SMURF2: variants seen among roughly 807,000 people sequenced by gnomAD.
SMURF2 encodes the protein E3 ubiquitin-protein ligase SMURF2.
SMURF2 carries 48 observed loss-of-function variants against 109.6 expected under a neutral mutation model. That is an observed-to-expected ratio of 0.44 (90% CI 0.35 to 0.56). SMURF2 has a LOEUF of 0.56. SMURF2 is among the 20% of genes least tolerant of loss of function. SMURF2 has a pLI of 0.01. For synonymous variants in SMURF2, 288 were observed against 317.1 expected (o/e 0.91, Z 0.97); for missense variants, 575 against 909.0 (o/e 0.63, Z 4.72).
chr17:64,612,004 T>C (rs1970050985), intron 1 of SMURF2, among the ~76,000 whole-genome samples: 1 of 152,178 alleles, frequency 6.6e-6, no homozygotes, highest in South Asian at 2.1e-4. Context: ...TGAAACATTC[T>C]TCCTAGGCTT....
intron 17 of SMURF2, 126 bp from the exon 18 acceptor site, chr17:64,546,464 A>G: frequency 1.4e-6 from 1 of 725,244 alleles, no homozygotes; most frequent in East Asian, 2.8e-5. Flanking sequence ...GAATCCACAC[A>G]TACTACCAAA....
At chr17:64,589,262 T>A (rs1969714861) in intron 5 of SMURF2, among the ~76,000 whole-genome samples, 1 of 152,176 alleles carries the variant, frequency 6.6e-6, no homozygotes, top group East Asian at 1.9e-4. Context: ...TTTATATAAA[T>A]GCAAATTCAT....
intron 1 of SMURF2, among the ~76,000 whole-genome samples, chr17:64,637,616 T>A (rs1277534290): frequency 6.6e-6 from 1 of 151,838 alleles, no homozygotes. Flanking sequence ...CAGGCTGGAG[T>A]GTAATAGTGC....
chr17:64,619,678 C>T (rs989423805), intron 1 of SMURF2, among the ~76,000 whole-genome samples: 2 of 151,988 alleles, frequency 1.3e-5, no homozygotes, highest in Admixed American at 1.3e-4. Flanking sequence ...TTTGCATACT[C>T]CCACCTTCTC....
chr17:64,569,021 G>A (rs1969358289), intron 10 of SMURF2, among the ~76,000 whole-genome samples: 1 of 151,538 alleles, frequency 6.6e-6, no homozygotes, highest in Non-Finnish European at 1.5e-5. Context: ...TCCAGAACTA[G>A]GCGTGGTGGC....
intron 5 of SMURF2, among the ~76,000 whole-genome samples, chr17:64,587,218 C>A (rs1969676589): frequency 1.3e-5 from 2 of 152,108 alleles, no homozygotes; most frequent in Non-Finnish European, 2.9e-5. Flanking sequence ...ACACTGTATT[C>A]TAGCAAGAGG....
intron 1 of SMURF2, among the ~76,000 whole-genome samples, chr17:64,629,597 A>G (rs1350269984): frequency 6.6e-6 from 1 of 152,204 alleles, no homozygotes; most frequent in East Asian, 1.9e-4. Context: ...CTAAATTGCA[A>G]GCAGTCATTT....
rs1285615450 is a variant in SMURF2, at chr17:64,662,004, A to C, written c.-124T>G. The C allele has an allele frequency of 1.8e-6, 2 of 1,107,632 alleles. No individual in the cohort carries two copies. Among genetic ancestry groups the C allele is most frequent in the Non-Finnish European group, 2.2e-6 (2 of 909,526 alleles). 68.6% of individuals were successfully genotyped at this position (1,107,632 alleles called of 1,614,324 possible). A position where few individuals can be genotyped will look rare whatever the true frequency, so the allele number is the denominator to read the frequency against. Reference sequence around the variant, plus strand: ...CCGGCGCCTCGGCCGCCACGGCCGGAGGGTCCCGGATGTGCCGAGAGTCGT... The same window carrying C: ...CCGGCGCCTCGGCCGCCACGGCCGGCGGGTCCCGGATGTGCCGAGAGTCGT... On this transcript the variant is annotated 5_prime_UTR_variant, in exon 1 of 19. Transcript: ENST00000262435.
intron 13 of SMURF2, 43 bp from the exon 14 acceptor site, chr17:64,556,041 G>A: frequency 1.4e-6 from 2 of 1,387,040 alleles, no homozygotes; most frequent in East Asian, 2.4e-5. Context: ...GCACTACCCA[G>A]GAAAATTTTA....
chr17:64,545,732 AAGGGGG>A lies in SMURF2; in HGVS notation c.*110_*115del. 7.4e-6 allele frequency: 1 copy of A among 135,362 alleles called. No individual in the cohort carries two copies. The highest frequency in any genetic ancestry group is 1.3e-5 in the Non-Finnish European group (1 of 76,074). The allele number at this position is 135,362 out of a possible 1,614,324, so 8.4% of individuals were successfully genotyped here. ...CCTAAAATGTAAAAAAAAAAAAAAA[AAGGGGG>A]GGGGGGGGAGTGTTTTCCTGTATTT... On this transcript the variant is annotated 3_prime_UTR_variant, in exon 19 of 19. Coordinates refer to ENST00000262435, the MANE Select transcript of SMURF2 (RefSeq NM_022739.4).
chr17:64,569,309 A>G (rs1179577317), intron 10 of SMURF2, among the ~76,000 whole-genome samples: 1 of 152,130 alleles, frequency 6.6e-6, no homozygotes, highest in Non-Finnish European at 1.5e-5. Flanking sequence ...CTAAAAAAAA[A>G]AAAATCCATA....
intron 15 of SMURF2, among the ~76,000 whole-genome samples, chr17:64,552,820 C>T (rs997061593): frequency 2.0e-5 from 3 of 152,234 alleles, no homozygotes; most frequent in South Asian, 4.1e-4. Flanking sequence ...TCTCCTGCCT[C>T]GGGCTCCAAA....
chr17:64,593,378 AATAC>A, intron 4 of SMURF2, 58 bp downstream of exon 4: 1 of 1,436,252 alleles, frequency 7.0e-7, no homozygotes, highest in Non-Finnish European at 9.3e-7. Flanking sequence ...TATATGCACA[AATAC>A]ATATACACAC....
chr17:64,634,780 T>C (rs1183041167), intron 1 of SMURF2, among the ~76,000 whole-genome samples: 3 of 152,184 alleles, frequency 2.0e-5, no homozygotes, highest in Non-Finnish European at 2.9e-5. Flanking sequence ...GAAGACACAG[T>C]CCTTGAATGA....
chr17:64,659,135 C>CAG (rs1023494080), intron 1 of SMURF2, among the ~76,000 whole-genome samples: 1 of 152,004 alleles, frequency 6.6e-6, no homozygotes, highest in African/African-American at 2.4e-5. Context: ...TCCTCTTCTT[C>CAG]AGAGAGAGTG....
chr17:64,636,155 T>C (rs999621368), intron 1 of SMURF2, among the ~76,000 whole-genome samples: 9 of 152,198 alleles, frequency 5.9e-5, no homozygotes, highest in African/African-American at 2.2e-4. Context: ...GCCCTTTTTT[T>C]TGAAATGTGG....
chr17:64,627,627 C>T (rs1310931027), intron 1 of SMURF2, among the ~76,000 whole-genome samples: 2 of 152,152 alleles, frequency 1.3e-5, no homozygotes, highest in Non-Finnish European at 2.9e-5. Flanking sequence ...CTGACAAACC[C>T]TAATCTGGAC....
chr17:64,639,006 T>G (rs1555692366), intron 1 of SMURF2, among the ~76,000 whole-genome samples: 1 of 152,114 alleles, frequency 6.6e-6, no homozygotes, highest in Non-Finnish European at 1.5e-5. Flanking sequence ...AAAGGGGAAG[T>G]CAGGTAAAAA....
chr17:64,545,839 T>A lies in SMURF2; in HGVS notation c.*9A>T, dbSNP rs1968946577. ...ATAAATAGAGTCCTGGGTAAATCCT[T>A]GAAGCTTGTCATTCCACAGCAAATC... On this transcript the variant is annotated 3_prime_UTR_variant, in exon 19 of 19. Transcript: ENST00000262435. 1 of 1,557,910 alleles carries A rather than the reference T, an allele frequency of 6.4e-7. No homozygotes were observed. Among genetic ancestry groups the A allele is most frequent in the Admixed American group, 1.7e-5 (1 of 59,888 alleles).
Sources: allele counts gnomAD v4.1 joint callset (sites outside exome capture counted in the v4.1 genomes callset), GRCh38; gene constraint gnomAD v4.1.1; transcripts MANE v1.5; gene names NCBI Gene and HGNC (gene_info 2026-07-23, HGNC 2026-07-21).